Variants in HABP2 observed in about 807,000 individuals in gnomAD.
HABP2 encodes hyaluronan binding protein 2.
HABP2 carries 65 observed loss-of-function variants against 66.5 expected under a neutral mutation model. The ratio of observed to expected loss-of-function variants is 0.98; its 90% CI spans 0.80 to 1.20. HABP2 has a LOEUF of 1.20. Among genes scored for constraint, HABP2 ranks in the 50% most tolerant of loss-of-function variants. The pLI, the probability that HABP2 is intolerant of heterozygous loss-of-function variation, is 0.00. For missense variants in HABP2, 786 were observed against 691.0 expected (o/e 1.14, Z -1.54); for synonymous variants, 263 against 253.9 (o/e 1.04, Z -0.34).
At chr10:113,580,067 A>G (rs1362365263) in intron 7 of HABP2, among the ~76,000 whole-genome samples, 4 of 150,874 alleles carry the variant, frequency 2.7e-5, no homozygotes, top group Non-Finnish European at 5.9e-5. Flanking sequence ...GGCATGAGCC[A>G]CTGCACCCGG....
intron 1 of HABP2, among the ~76,000 whole-genome samples, chr10:113,555,458 G>A (rs529764719): frequency 3.2e-4 from 49 of 152,162 alleles, no homozygotes; most frequent in African/African-American, 5.3e-4. Context: ...TGGACTCCAC[G>A]TGTCTCTGAA....
intron 1 of HABP2, among the ~76,000 whole-genome samples, chr10:113,560,607 G>T (rs1487477153): frequency 6.6e-6 from 1 of 152,162 alleles, no homozygotes; most frequent in Non-Finnish European, 1.5e-5. Context: ...TAGCCAAAAG[G>T]TGTAAATGAC....
rs747855681 is a variant in HABP2 at position 113,577,201 on chromosome 10, C to A, written c.383C>A (p.Thr128Asn). Residue 128 changes from threonine to asparagine, a missense_variant, in exon 5 of 13, where the codon ACC (threonine) becomes AAC (asparagine). Transcript: ENST00000351270. ...TGTGGCCGGGGCCAATGTCTCATTA[C>A]CCAGAGTCCTCCCTACTACCGCTGT... ...NPCGRGQCLITQSPPYYRCVC... is the reference protein window; with the variant it reads ...NPCGRGQCLINQSPPYYRCVC... 6.2e-7 allele frequency: 1 copy of A among 1,613,132 alleles called. No homozygotes were observed. Among genetic ancestry groups the A allele is most frequent in the Non-Finnish European group, 8.5e-7 (1 of 1,179,072 alleles).
chr10:113,589,501 T>G lies in HABP2; in HGVS notation c.*1132T>G. The stretch of plus-strand genomic sequence containing the variant: ...AAGTTTAACCTGCGTGTCATCTGCC[T>G]GGTCATCTCAGACCCATGAAATTAG... On this transcript the variant is annotated 3_prime_UTR_variant, in exon 13 of 13. Coordinates refer to ENST00000351270, the MANE Select transcript of HABP2 (RefSeq NM_004132.5). 1 of 747,698 alleles carries G rather than the reference T, an allele frequency of 1.3e-6. No individual in the cohort carries two copies. The highest frequency in any genetic ancestry group is 2.1e-6 in the Non-Finnish European group (1 of 466,954). The allele number at this position is 747,698 out of a possible 1,614,324, so 46.3% of individuals were successfully genotyped here. A position where few individuals can be genotyped will look rare whatever the true frequency, so the allele number is the denominator to read the frequency against.
Position 113,589,493 on chromosome 10 carries a change from C to A in HABP2, c.*1124C>A, listed in dbSNP as rs556202931. On this transcript the variant is annotated 3_prime_UTR_variant, in exon 13 of 13. Coordinates refer to ENST00000351270, the MANE Select transcript of HABP2 (RefSeq NM_004132.5). ...CCTGCAGGAAGTTTAACCTGCGTGTCATCTGCCTGGTCATCTCAGACCCAT... is the reference window on the plus strand; with the variant it reads ...CCTGCAGGAAGTTTAACCTGCGTGTAATCTGCCTGGTCATCTCAGACCCAT... 2.6e-4 allele frequency: 186 copies of A among 714,422 alleles called. 4 individuals are homozygous for A. In the South Asian group the frequency reaches 3.5e-3, roughly 13 times the overall value. The allele number at this position is 714,422 out of a possible 1,614,324, so 44.3% of individuals were successfully genotyped here.
At chr10:113,562,597 C>A (rs1810648) in intron 1 of HABP2, among the ~76,000 whole-genome samples, 146,600 of 152,228 alleles carry the variant, frequency 0.96, 70,686 homozygotes, top group East Asian at 1. Context: ...GGCTCCTGCC[C>A]TCACGCCTGG....
rs1379610001 is a variant in HABP2 at position 113,578,804 on chromosome 10, A to G, written c.740+6A>G. ...GGGGAACACAATTTCTGCAGGTAAC[A>G]TTTACCTTATTTATGCTCAGTTGAT... On this transcript the variant is annotated splice_donor_region_variant and intron_variant, in intron 7 of 12. Coordinates refer to ENST00000351270, the MANE Select transcript of HABP2 (RefSeq NM_004132.5). 1.3e-6 allele frequency: 2 copies of G among 1,572,210 alleles called. No individual in the cohort carries two copies. Among genetic ancestry groups the G allele is most frequent in the Non-Finnish European group, 1.8e-6 (2 of 1,142,824 alleles).
In HABP2 at chr10:113,581,903, C is replaced by T; in HGVS notation, c.866C>T (p.Thr289Ile). Reference sequence around the variant, plus strand: ...GTTGCCTACCCAGAGGAAAGCCCCACTGAGCCATCAACCAAGCTTCCGGGG... The same window carrying T: ...GTTGCCTACCCAGAGGAAAGCCCCATTGAGCCATCAACCAAGCTTCCGGGG... ...QDVAYPEESP[T>I]EPSTKLPGFD... The change falls in exon 9 of 13, where the codon ACT (threonine) becomes ATT (isoleucine). Residue 289 changes from threonine to isoleucine, a missense_variant. By Grantham distance (89) the Thr-to-Ile change is moderately conservative. Coordinates refer to ENST00000351270, the MANE Select transcript of HABP2 (RefSeq NM_004132.5). The T allele has an allele frequency of 1.2e-6, 2 of 1,614,140 alleles. No homozygotes were observed.
In HABP2 at chr10:113,589,215, T is replaced by G; in HGVS notation, c.*846T>G. The G allele has an allele frequency of 4.6e-6, 3 of 658,330 alleles. No individual in the cohort carries two copies. Among genetic ancestry groups the G allele is most frequent in the Non-Finnish European group, 7.7e-6 (3 of 391,000 alleles). The allele number at this position is 658,330 out of a possible 1,614,324, so 40.8% of individuals were successfully genotyped here. A position where few individuals can be genotyped will look rare whatever the true frequency, so the allele number is the denominator to read the frequency against. On this transcript the variant is annotated 3_prime_UTR_variant, in exon 13 of 13. Coordinates refer to ENST00000351270, the MANE Select transcript of HABP2 (RefSeq NM_004132.5). ...CCCTCCCTTTCCTTTTCCCCTCTTC[T>G]ACCCTCCCCAAGAAAAAGGGCCTTC...
intron 1 of HABP2, among the ~76,000 whole-genome samples, chr10:113,558,945 G>A (rs1038399891): frequency 1.3e-5 from 2 of 151,960 alleles, no homozygotes; most frequent in African/African-American, 4.8e-5. Context: ...ACCTCTGCCT[G>A]CCAGGTTAAA....
intron 12 of HABP2, among the ~76,000 whole-genome samples, 171 bp downstream of exon 12, chr10:113,586,109 G>A (rs974787021): frequency 1.3e-5 from 2 of 152,200 alleles, no homozygotes; most frequent in Non-Finnish European, 2.9e-5. Context: ...ATCTGCATCC[G>A]CATCAACCCA....
chr10:113,587,288 G>A lies in HABP2; in HGVS notation c.1519-917G>A, dbSNP rs11575784. 4.5e-3 allele frequency among the ~76,000 whole-genome samples: 680 copies of A among 152,246 alleles called. 8 individuals are homozygous for A. Among genetic ancestry groups the A allele is most frequent in the African/African-American group, 0.016 (651 of 41,532 alleles). The stretch of plus-strand genomic sequence containing the variant: ...GCCAAGAGGGTGCCACTGCACTCCA[G>A]CCTGGGCAACAAAGCGAGACCCTGT... On this transcript the variant is annotated intron_variant, in intron 12 of 12. Coordinates refer to ENST00000351270, the MANE Select transcript of HABP2 (RefSeq NM_004132.5).
chr10:113,585,312 CTT>C (rs544494463), intron 11 of HABP2, among the ~76,000 whole-genome samples: 289 of 152,270 alleles, frequency 1.9e-3, no homozygotes, highest in African/African-American at 6.6e-3. Context: ...GCTTCTAAGA[CTT>C]TATGTTCAAA....
At chr10:113,586,823 A>G (rs1475819948) in intron 12 of HABP2, among the ~76,000 whole-genome samples, 1 of 152,196 alleles carries the variant, frequency 6.6e-6, no homozygotes, top group Non-Finnish European at 1.5e-5. Context: ...GCCTCCCCGT[A>G]CAAAGGAACC....
intron 1 of HABP2, among the ~76,000 whole-genome samples, chr10:113,554,620 C>T (rs779128245): frequency 2.6e-5 from 4 of 152,102 alleles, no homozygotes; most frequent in Non-Finnish European, 5.9e-5. Flanking sequence ...AGCAGAAATA[C>T]CACAGGTCTA....
intron 3 of HABP2, 52 bp from the exon 4 acceptor site, chr10:113,575,845 G>C: frequency 1.0e-6 from 1 of 992,636 alleles, no homozygotes; most frequent in Non-Finnish European, 1.6e-6. Context: ...GGAGGGGGGC[G>C]CTTCTCACCT....
rs1845559132 is a variant in HABP2 at position 113,582,509 on chromosome 10, G to T, written c.1094+378G>T. 2.0e-5 allele frequency among the ~76,000 whole-genome samples: 3 copies of T among 152,136 alleles called. 1 individual carries two copies. The South Asian group carries it at 6.2e-4, about 32-fold the overall frequency. On this transcript the variant is annotated intron_variant, in intron 9 of 12. Transcript: ENST00000351270. ...ATTGTTATTCCCTTTTTGTAAGTGA[G>T]GATCTTGAATCCCGGGATTCTTCCT... is the stretch of plus-strand genomic sequence containing the variant.
intron 1 of HABP2, among the ~76,000 whole-genome samples, chr10:113,553,474 G>A (rs1462326608): frequency 6.6e-6 from 1 of 152,230 alleles, no homozygotes; most frequent in Non-Finnish European, 1.5e-5. Context: ...GGCATGGATT[G>A]TAATCTGTCA....
intron 1 of HABP2, among the ~76,000 whole-genome samples, chr10:113,556,917 T>C (rs1357923750): frequency 1.3e-5 from 2 of 151,054 alleles, no homozygotes; most frequent in Non-Finnish European, 2.9e-5. Context: ...AGTGCTGAGA[T>C]GACAGGTGTG....
Sources: allele counts gnomAD v4.1 joint callset (sites outside exome capture counted in the v4.1 genomes callset), GRCh38; gene constraint gnomAD v4.1.1; transcripts MANE v1.5; gene names NCBI Gene and HGNC (gene_info 2026-07-23, HGNC 2026-07-21).